Variants in NFKB1 observed in about 807,000 individuals in gnomAD.
NFKB1 encodes nuclear factor NF-kappa-B p105 subunit.
A neutral mutation model predicts 105.1 loss-of-function variants in NFKB1; 9 were observed. That is an observed-to-expected ratio of 0.09 (90% CI 0.05 to 0.15). The LOEUF (loss-of-function observed/expected upper bound fraction) is 0.15, where lower values mean the gene tolerates loss of function less well. NFKB1 is among the 10% of genes least tolerant of loss of function. The probability of loss-of-function intolerance (pLI) is 1.00; values close to 1 mark genes in which losing one functional copy is unlikely to be tolerated. For missense variants in NFKB1, 830 were observed against 1,203.7 expected, an observed-to-expected ratio of 0.69 and a Z score of 4.59; for synonymous variants, 440 against 442.2, an observed-to-expected ratio of 1.00 and a Z score of 0.06.
At chr4:102,551,375 C>CGCGT (rs1466013355) in intron 5 of NFKB1, among the ~76,000 whole-genome samples, 4 of 144,858 alleles carry the variant, frequency 2.8e-5, no homozygotes, top group African/African-American at 1.1e-4. Flanking sequence ...TGTGCGCGCG[C>CGCGT]GCATGTGTGT....
intron 9 of NFKB1, 27 bp from the exon 10 acceptor site, chr4:102,582,839 T>C: frequency 6.8e-7 from 1 of 1,467,750 alleles, no homozygotes; most frequent in Non-Finnish European, 9.5e-7. Flanking sequence ...TATGTGAAAT[T>C]ACACACTTCA....
At position 102,567,070 on chromosome 4, in the gene NFKB1, G is replaced by C. The variant is rs371466957; in HGVS notation, c.342G>C (p.Leu114=). 7.4e-6 allele frequency: 12 copies of C among 1,613,878 alleles called. No individual in the cohort carries two copies. Among genetic ancestry groups the C allele is most frequent in the Admixed American group, 1.7e-5 (1 of 59,984 alleles). The stretch of plus-strand genomic sequence containing the variant: ...ATATCCACCTGCATGCCCACAGCCT[G>C]GTGGGAAAACACTGTGAGGATGGGA... ...GKNIHLHAHS[L]VGKHCEDGIC... is the part of the protein sequence containing the mutation. Residue 114 remains leucine, a synonymous_variant, in exon 6 of 24, where the codon CTG becomes CTC. Transcript: ENST00000226574.
At chr4:102,505,057 G>C (rs1482978644) in intron 1 of NFKB1, among the ~76,000 whole-genome samples, 1 of 152,148 alleles carries the variant, frequency 6.6e-6, no homozygotes, top group Non-Finnish European at 1.5e-5. Context: ...TGATGAAATT[G>C]CTTCATACCT....
At chr4:102,562,018 G>T (rs949264311) in intron 5 of NFKB1, among the ~76,000 whole-genome samples, 1 of 152,174 alleles carries the variant, frequency 6.6e-6, no homozygotes, top group African/African-American at 2.4e-5. Context: ...TCCTCTTGAA[G>T]AATGGGTGCT....
intron 16 of NFKB1, among the ~76,000 whole-genome samples, 183 bp downstream of exon 16, chr4:102,601,192 A>G (rs1727113759): frequency 6.6e-6 from 1 of 152,240 alleles, no homozygotes; most frequent in Non-Finnish European, 1.5e-5. Flanking sequence ...GGATCCTTTG[A>G]TCTGTGGGTA....
chr4:102,542,906 G>A (rs1721833457), intron 5 of NFKB1, among the ~76,000 whole-genome samples: 2 of 152,204 alleles, frequency 1.3e-5, no homozygotes, highest in African/African-American at 4.8e-5. Context: ...TCTAGGGGAA[G>A]TAAGTATGCA....
chr4:102,612,285 C>T (rs1728495277), intron 21 of NFKB1, 149 bp from the exon 22 acceptor site: 1 of 912,348 alleles, frequency 1.1e-6, no homozygotes, highest in East Asian at 2.6e-5. Flanking sequence ...ATGTATACTG[C>T]CTTCTACTCA....
At chr4:102,543,215 G>A (rs1173162506) in intron 5 of NFKB1, among the ~76,000 whole-genome samples, 1 of 152,096 alleles carries the variant, frequency 6.6e-6, no homozygotes, top group Non-Finnish European at 1.5e-5. Flanking sequence ...AGAGGTGGGT[G>A]ACAAGAGAAG....
intron 5 of NFKB1, among the ~76,000 whole-genome samples, chr4:102,544,050 G>A (rs1286732481): frequency 6.6e-6 from 1 of 152,100 alleles, no homozygotes; most frequent in African/African-American, 2.4e-5. Context: ...GGGGTCTATG[G>A]ATCCCTGTTG....
rs773666508 is a variant in NFKB1, at chr4:102,584,824, A to C, written c.1066+4A>C. 3.1e-6 allele frequency: 5 copies of C among 1,588,282 alleles called. No individual in the cohort carries two copies. In the South Asian group the frequency reaches 4.7e-5, roughly 15 times the overall value. On this transcript the variant is annotated splice_donor_region_variant and intron_variant, in intron 11 of 23. Coordinates refer to ENST00000226574, the MANE Select transcript of NFKB1 (RefSeq NM_003998.4). Reference sequence around the variant, plus strand: ...CTCTACTATCCTGAAATCAAAGGTAAGTCAGTTGTTTAAAATCTTATGCTC... The same window carrying C: ...CTCTACTATCCTGAAATCAAAGGTACGTCAGTTGTTTAAAATCTTATGCTC...
intron 6 of NFKB1, among the ~76,000 whole-genome samples, chr4:102,575,571 T>C (rs1724752208): frequency 6.6e-6 from 1 of 152,222 alleles, no homozygotes; most frequent in South Asian, 2.1e-4. Flanking sequence ...GCCTTTGTTG[T>C]GTTTTGAAAA....
intron 5 of NFKB1, among the ~76,000 whole-genome samples, chr4:102,551,365 TGTGC>T (rs1477389506): frequency 5.5e-5 from 7 of 127,610 alleles, no homozygotes; most frequent in East Asian, 2.1e-4. Context: ...TGTGTGTGTG[TGTGC>T]GCGCGCGCAT....
Position 102,594,982 on chromosome 4 carries a change from GT to G in NFKB1, c.1300+2del, listed in dbSNP as rs1726486727. ...AAATCTAATGCTGGGATGAAGCATG[GT>G]AAGTAATGCTTTGTTCTTAATACCA... On this transcript the variant is annotated splice_donor_variant, in intron 13 of 23. Transcript: ENST00000226574. LOFTEE classifies it high-confidence loss of function. 6.3e-7 allele frequency: 1 copy of G among 1,591,898 alleles called. No homozygotes were observed. The highest frequency in any genetic ancestry group is 8.6e-7 in the Non-Finnish European group (1 of 1,161,960).
chr4:102,552,270 T>C (rs1238780414), intron 5 of NFKB1, among the ~76,000 whole-genome samples: 2 of 152,016 alleles, frequency 1.3e-5, no homozygotes, highest in Non-Finnish European at 2.9e-5. Context: ...GCCTGGAGGA[T>C]TTGGTTGTCT....
chr4:102,565,544 G>A (rs1036994322), intron 5 of NFKB1, among the ~76,000 whole-genome samples: 3 of 152,130 alleles, frequency 2.0e-5, no homozygotes, highest in Non-Finnish European at 2.9e-5. Flanking sequence ...GTTTATAGTA[G>A]AAGTAGGCTA....
intron 1 of NFKB1, among the ~76,000 whole-genome samples, chr4:102,507,459 T>A (rs915692243): frequency 1.5e-4 from 23 of 149,876 alleles, no homozygotes; most frequent in Non-Finnish European, 2.8e-4. Context: ...TTGTAATTTA[T>A]TTTTTATTTT....
chr4:102,501,904 C>T (rs556065635), intron 1 of NFKB1, 116 bp downstream of exon 1: 8 of 152,674 alleles, frequency 5.2e-5, no homozygotes, highest in Admixed American at 3.9e-4. Context: ...CTGCGCTAAC[C>T]GCTGGGCTAG....
At position 102,596,336 on chromosome 4, in the gene NFKB1, A is replaced by C. The variant is rs1458744770; in HGVS notation, c.1495+4A>C. On this transcript the variant is annotated splice_donor_region_variant and intron_variant, in intron 14 of 23. Transcript: ENST00000226574. ...GAAGAGAGTGCTGGAGTTCAGGGTA[A>C]GTGAGCACACAAATTACGTTCTGTT... is the stretch of plus-strand genomic sequence containing the variant. The C allele has an allele frequency of 1.3e-6, 2 of 1,597,724 alleles. No homozygotes were observed. The highest frequency in any genetic ancestry group is 2.2e-5 in the South Asian group (2 of 89,472).
At chr4:102,581,168 G>T (rs149759093) in intron 9 of NFKB1, among the ~76,000 whole-genome samples, 1 of 152,150 alleles carries the variant, frequency 6.6e-6, no homozygotes, top group Non-Finnish European at 1.5e-5. Flanking sequence ...TTCCCTTTGA[G>T]GAAAGGTTCT....
Sources: allele counts gnomAD v4.1 joint callset (sites outside exome capture counted in the v4.1 genomes callset), GRCh38; gene constraint gnomAD v4.1.1; transcripts MANE v1.5; gene names NCBI Gene and HGNC (gene_info 2026-07-23, HGNC 2026-07-21).